The following SLC25A37 variants were observed in gnomAD, a reference collection of about 807,000 sequenced individuals.
The protein encoded by SLC25A37 is mitoferrin-1.
In SLC25A37, 17 loss-of-function variants were observed where a neutral mutation model predicts 31.0. That is an observed-to-expected ratio of 0.55 (90% CI 0.38 to 0.82). The LOEUF (loss-of-function observed/expected upper bound fraction) is 0.82. Ranked by LOEUF, SLC25A37 falls within the 40% of genes least tolerant of loss-of-function variation. The pLI, the probability that SLC25A37 is intolerant of heterozygous loss-of-function variation, is 0.00. For synonymous variants in SLC25A37, 222 were observed against 193.0 expected (o/e 1.15, Z -1.24); for missense variants, 404 against 465.8 (o/e 0.87, Z 1.22).
rs1354789218 is a variant in SLC25A37, at chr8:23,556,553, C to T, written c.211-9555C>T. ...AATTTTCCTTTTCATTAAAAACATACATATATGTATATGTATGTATATACA... is the reference window on the plus strand; with the variant it reads ...AATTTTCCTTTTCATTAAAAACATATATATATGTATATGTATGTATATACA... On this transcript the variant is annotated intron_variant, in intron 1 of 3. Coordinates refer to ENST00000519973, the MANE Select transcript of SLC25A37 (RefSeq NM_016612.4). Among the ~76,000 whole-genome samples, 6 of 151,454 alleles carry T rather than the reference C, an allele frequency of 4.0e-5. No homozygotes were observed. The South Asian group carries it at 1.3e-3, about 32-fold the overall frequency.
At chr8:23,552,674 A>G (rs952711534) in intron 1 of SLC25A37, among the ~76,000 whole-genome samples, 5 of 152,144 alleles carry the variant, frequency 3.3e-5, no homozygotes, top group African/African-American at 1.2e-4. Context: ...AACGTACGTT[A>G]CTTATGGGCA....
In SLC25A37 at chr8:23,534,971, G is replaced by A. The variant is rs114405460; in HGVS notation, c.210+5759G>A. Among the ~76,000 whole-genome samples the A allele has an allele frequency of 4.0e-3, 603 of 152,078 alleles. 4 individuals carry two copies. Among genetic ancestry groups the A allele is most frequent in the African/African-American group, 0.012 (496 of 41,466 alleles). On this transcript the variant is annotated intron_variant, in intron 1 of 3. Coordinates refer to ENST00000519973, the MANE Select transcript of SLC25A37 (RefSeq NM_016612.4). ...CTCACCCTGAGGATGGCCCCTCTTCGTCCCCACCCGACTCAAGTCCAAATC... is the reference window on the plus strand; with the variant it reads ...CTCACCCTGAGGATGGCCCCTCTTCATCCCCACCCGACTCAAGTCCAAATC...
At chr8:23,567,022 C>A in intron 2 of SLC25A37, 1 of 163,346 alleles carries the variant, frequency 6.1e-6, no homozygotes. Flanking sequence ...GCAGCTCTTA[C>A]GTAAGGCATG....
At chr8:23,548,387 T>C (rs1182429785) in intron 1 of SLC25A37, among the ~76,000 whole-genome samples, 2 of 151,740 alleles carry the variant, frequency 1.3e-5, no homozygotes, top group East Asian at 1.9e-4. Context: ...ACCATGTTGG[T>C]CAGGATGGTC....
chr8:23,533,774 G>A (rs1801708451), intron 1 of SLC25A37, among the ~76,000 whole-genome samples: 1 of 152,226 alleles, frequency 6.6e-6, no homozygotes, highest in African/African-American at 2.4e-5. Context: ...AATACCGGCT[G>A]TCATGTCCCA....
rs1474419234 is a variant in SLC25A37, at chr8:23,575,369, G to A, written c.*3514G>A. ...AATTGTTGCCAGCTCTTTGAAGAAG[G>A]GGAGAATTGTGTGTTTTTGTGTGGG... On this transcript the variant is annotated 3_prime_UTR_variant, in exon 4 of 4. Transcript: ENST00000519973. The A allele has an allele frequency of 6.6e-6, 1 of 152,168 alleles. No individual in the cohort carries two copies. Among genetic ancestry groups the A allele is most frequent in the Admixed American group, 6.5e-5 (1 of 15,274 alleles). The allele number at this position is 152,168 out of a possible 1,614,324, so 9.4% of individuals were successfully genotyped here. A position where few individuals can be genotyped will look rare whatever the true frequency, so the allele number is the denominator to read the frequency against.
In SLC25A37 at chr8:23,573,882, A is replaced by T; in HGVS notation, c.*2027A>T. 1 of 456,740 alleles carries T rather than the reference A, an allele frequency of 2.2e-6. No homozygotes were observed. The highest frequency in any genetic ancestry group is 4.4e-6 in the Non-Finnish European group (1 of 226,944). The allele number at this position is 456,740 out of a possible 1,614,324, so 28.3% of individuals were successfully genotyped here. ...CCCACATGGGGATGTAGAAAGCCGT[A>T]AAGTCCACGCTACTGTTGAAAATGT... is the stretch of plus-strand genomic sequence containing the variant. On this transcript the variant is annotated 3_prime_UTR_variant, in exon 4 of 4. Coordinates refer to ENST00000519973, the MANE Select transcript of SLC25A37 (RefSeq NM_016612.4).
At chr8:23,540,301 G>A (rs1801862365) in intron 1 of SLC25A37, among the ~76,000 whole-genome samples, 2 of 152,152 alleles carry the variant, frequency 1.3e-5, no homozygotes, top group Admixed American at 1.3e-4. Context: ...TAGGATGTTG[G>A]ATGCAGACTC....
At chr8:23,532,322 C>G (rs1196612494) in intron 1 of SLC25A37, among the ~76,000 whole-genome samples, 5 of 152,186 alleles carry the variant, frequency 3.3e-5, no homozygotes, top group Admixed American at 3.3e-4. Context: ...AGTATAGGGT[C>G]TCTGCAGGGC....
chr8:23,541,470 C>T (rs1351650226), intron 1 of SLC25A37: 1 of 152,308 alleles, frequency 6.6e-6, no homozygotes, highest in Non-Finnish European at 1.5e-5. Flanking sequence ...GTTTTCCTCA[C>T]TTGCTTAAGA....
chr8:23,540,843 T>G (rs767193855), intron 1 of SLC25A37, among the ~76,000 whole-genome samples: 1 of 152,180 alleles, frequency 6.6e-6, no homozygotes, highest in Non-Finnish European at 1.5e-5. Flanking sequence ...CGCTTACGCA[T>G]GTAGTGAGAA....
rs954099897 is a variant in SLC25A37 at position 23,529,466 on chromosome 8, G to C, written c.210+254G>C. The stretch of plus-strand genomic sequence containing the variant: ...GCCGCGTGCCCGGCCCCGGCTGCTG[G>C]CGGCGCTGAGGCGGGGGAGGCGGAG... On this transcript the variant is annotated intron_variant, in intron 1 of 3. Coordinates refer to ENST00000519973, the MANE Select transcript of SLC25A37 (RefSeq NM_016612.4). The surrounding 1 kb of genome is among the most constrained non-coding windows in gnomAD (Gnocchi z 4.1). Among the ~76,000 whole-genome samples, 2 of 151,936 alleles carry C rather than the reference G, an allele frequency of 1.3e-5. No homozygotes were observed. The highest frequency in any genetic ancestry group is 4.8e-5 in the African/African-American group (2 of 41,422).
At chr8:23,547,770 T>C (rs1220173221) in intron 1 of SLC25A37, among the ~76,000 whole-genome samples, 1 of 152,210 alleles carries the variant, frequency 6.6e-6, no homozygotes, top group Non-Finnish European at 1.5e-5. Flanking sequence ...TTTAACATAC[T>C]TGTAACTTCC....
At chr8:23,532,533 C>G (rs17089329) in intron 1 of SLC25A37, among the ~76,000 whole-genome samples, 29,948 of 152,116 alleles carry the variant, frequency 0.2, 3,029 homozygotes, top group Non-Finnish European at 0.21. Context: ...ATTAGGCACA[C>G]CACTCGGAGA....
intron 1 of SLC25A37, among the ~76,000 whole-genome samples, chr8:23,551,152 TC>T (rs1191017156): frequency 6.6e-6 from 1 of 152,202 alleles, no homozygotes; most frequent in African/African-American, 2.4e-5. Context: ...TGAGTGAACT[TC>T]CCAGAGCACT....
chr8:23,558,043 A>G (rs1240244314), intron 1 of SLC25A37, among the ~76,000 whole-genome samples: 2 of 152,206 alleles, frequency 1.3e-5, no homozygotes, highest in South Asian at 4.1e-4. Flanking sequence ...TCCCCATTGC[A>G]CCTGGCTCAA....
intron 1 of SLC25A37, chr8:23,543,167 C>T (rs1228294085): frequency 6.6e-6 from 1 of 151,896 alleles, no homozygotes; most frequent in African/African-American, 2.4e-5. Flanking sequence ...CTCCTGGGTA[C>T]AAGGAATCCT....
At position 23,538,404 on chromosome 8, in the gene SLC25A37, AAAC is replaced by A. The variant is rs1339967641; in HGVS notation, c.210+9193_210+9195del. 4.9e-5 allele frequency among the ~76,000 whole-genome samples: 7 copies of A among 143,588 alleles called. 1 individual carries two copies. The highest frequency in any genetic ancestry group is 1.8e-4 in the African/African-American group (7 of 38,976). 94.2% of individuals were successfully genotyped at this position (143,588 alleles called of 152,430 possible). A position where few individuals can be genotyped will look rare whatever the true frequency, so the allele number is the denominator to read the frequency against. Reference sequence around the variant, plus strand: ...TCAAAAAAAAAAAAAAAAAAAAAAAAAACCAGAAAAAAAAACTTGCCATTAAAC... The same window carrying A: ...TCAAAAAAAAAAAAAAAAAAAAAAAACAGAAAAAAAAACTTGCCATTAAAC... On this transcript the variant is annotated intron_variant, in intron 1 of 3. Transcript: ENST00000519973.
chr8:23,563,046 C>T (rs1178309806), intron 1 of SLC25A37, among the ~76,000 whole-genome samples: 3 of 152,224 alleles, frequency 2.0e-5, no homozygotes, highest in Admixed American at 6.5e-5. Flanking sequence ...TTCGTTTGGT[C>T]TGGCCAACAG....
Sources: gnomAD v4.1 joint callset for allele counts (sites outside exome capture counted in the v4.1 genomes callset) on GRCh38, gnomAD v4.1.1 for gene constraint, Gnocchi (gnomAD v3.1) non-coding constraint, MANE v1.5 for transcripts, NCBI Gene and HGNC (gene_info 2026-07-23, HGNC 2026-07-21) for gene names.